Variants in RNF38 observed in about 807,000 individuals in gnomAD.
The protein encoded by RNF38 is ring finger protein 38, also known as E3 ubiquitin-protein ligase RNF38.
A neutral mutation model predicts 67.2 loss-of-function variants in RNF38; 15 were observed. That is an observed-to-expected ratio of 0.22 (90% CI 0.15 to 0.34). RNF38 has a LOEUF of 0.34. Among genes scored for constraint, RNF38 ranks in the 10% least tolerant of loss-of-function variants. RNF38 has a pLI of 1.00. For synonymous variants in RNF38, 220 were observed against 218.8 expected, an observed-to-expected ratio of 1.01 and a Z score of -0.05; for missense variants, 524 against 639.9, an observed-to-expected ratio of 0.82 and a Z score of 1.95.
Position 36,415,889 on chromosome 9 carries a change from T to A in RNF38, n.312+8724A>T, listed in dbSNP as rs569755373. 7.2e-5 allele frequency among the ~76,000 whole-genome samples: 11 copies of A among 152,218 alleles called. No individual in the cohort carries two copies. In the South Asian group the frequency reaches 2.1e-3, roughly 29 times the overall value. ...TTGCTATTATTTTCTCCTTTCTTGG[T>A]GCAGAGTTGTTCTTTTATGAGTTGC... On this transcript the variant is annotated intron_variant and non_coding_transcript_variant, in intron 2 of 3. Coordinates refer to the RNF38 transcript ENST00000488058.
At chr9:36,422,030 G>A (rs760234034) in intron 2 of RNF38, among the ~76,000 whole-genome samples, 2 of 152,038 alleles carry the variant, frequency 1.3e-5, no homozygotes, top group Admixed American at 6.6e-5. Flanking sequence ...CCAGGAGTTC[G>A]AGACTAGCCT....
At chr9:36,371,981 A>T (rs937011632) in intron 3 of RNF38, among the ~76,000 whole-genome samples, 1 of 146,632 alleles carries the variant, frequency 6.8e-6, no homozygotes, top group Non-Finnish European at 1.5e-5. Context: ...GCCAGGCTGG[A>T]GTGCAGTGGC....
chr9:36,461,355 T>C (rs1369291229), intron 1 of RNF38, among the ~76,000 whole-genome samples: 1 of 152,180 alleles, frequency 6.6e-6, no homozygotes, highest in Non-Finnish European at 1.5e-5. Context: ...AAACCTTCTT[T>C]AGACTGAGTA....
At chr9:36,487,616 TG>T, upstream of RNF38, 1 of 971,968 alleles carries the variant, frequency 1.0e-6, no homozygotes, top group South Asian at 4.6e-5. Flanking sequence ...CGGCAGGCGC[TG>T]GCTGGGCCCC....
chr9:36,449,474 C>T (rs1042544353), intron 1 of RNF38, among the ~76,000 whole-genome samples: 1 of 151,832 alleles, frequency 6.6e-6, no homozygotes, highest in Non-Finnish European at 1.5e-5. Context: ...ATCACTCTGT[C>T]GCCCAGGCTG....
intron 9 of RNF38, among the ~76,000 whole-genome samples, chr9:36,350,046 G>A (rs1833583526): frequency 6.6e-6 from 1 of 152,106 alleles, no homozygotes; most frequent in Non-Finnish European, 1.5e-5. Context: ...TCGAACTCCT[G>A]ACCTCAGGTG....
intron 1 of RNF38, among the ~76,000 whole-genome samples, chr9:36,445,123 T>C (rs904526056): frequency 4.6e-5 from 7 of 152,148 alleles, no homozygotes; most frequent in Non-Finnish European, 8.8e-5. Context: ...GATGGGACAG[T>C]CTGTTGTGAC....
At chr9:36,433,385 C>T (rs1213698208) in intron 1 of RNF38, among the ~76,000 whole-genome samples, 1 of 151,124 alleles carries the variant, frequency 6.6e-6, no homozygotes. Flanking sequence ...ATCTCATGTA[C>T]CCCCATAAAT....
intron 2 of RNF38, among the ~76,000 whole-genome samples, chr9:36,413,597 G>A (rs993785698): frequency 6.6e-6 from 1 of 152,150 alleles, no homozygotes; most frequent in African/African-American, 2.4e-5. Context: ...GAGAAGCATG[G>A]GATATGTTTC....
At chr9:36,364,102 T>G (rs1178301528) in intron 4 of RNF38, among the ~76,000 whole-genome samples, 4 of 149,192 alleles carry the variant, frequency 2.7e-5, no homozygotes, top group African/African-American at 9.8e-5. Flanking sequence ...AGTGCTAGGA[T>G]TACAGGCATG....
At chr9:36,464,243 G>A (rs1175155283) in intron 1 of RNF38, among the ~76,000 whole-genome samples, 1 of 151,636 alleles carries the variant, frequency 6.6e-6, no homozygotes, top group Non-Finnish European at 1.5e-5. Context: ...TCTGCATTAT[G>A]TAGATGAAAT....
At chr9:36,399,312 G>A (rs1159167008) in intron 1 of RNF38, among the ~76,000 whole-genome samples, 1 of 151,916 alleles carries the variant, frequency 6.6e-6, no homozygotes, top group Admixed American at 6.6e-5. Context: ...TTACAGATGA[G>A]AGCCTGAGGC....
intron 2 of RNF38, among the ~76,000 whole-genome samples, chr9:36,385,137 C>T (rs55670971): frequency 1.5e-4 from 23 of 149,818 alleles, no homozygotes; most frequent in Non-Finnish European, 2.7e-4. Flanking sequence ...ATGAGCTAAC[C>T]GAAAATTTAA....
At position 36,433,550 on chromosome 9, in the gene RNF38, C is replaced by T. The variant is rs1377467310; in HGVS notation, n.242-8867G>A. Among the ~76,000 whole-genome samples the T allele has an allele frequency of 3.3e-5, 5 of 151,838 alleles. No homozygotes were observed. The South Asian group carries it at 6.2e-4, about 19-fold the overall frequency. On this transcript the variant is annotated intron_variant and non_coding_transcript_variant, in intron 1 of 3. Transcript: ENST00000488058. ...AGGTCAGGAGTTCGAGATCAGGCAT[C>T]GTGGTGGACACCTGTAATCCTAGCT...
At position 36,382,392 on chromosome 9, in the gene RNF38, T is replaced by C. The variant is rs117447199; in HGVS notation, c.163-6265A>G. ...AAATGAGTCTAGGAGTACACCTCTATTAACACCAAACCATTTTTATTACCA... is the reference window on the plus strand; with the variant it reads ...AAATGAGTCTAGGAGTACACCTCTACTAACACCAAACCATTTTTATTACCA... On this transcript the variant is annotated intron_variant, in intron 2 of 11. Coordinates refer to ENST00000259605, the MANE Select transcript of RNF38 (RefSeq NM_022781.5). Among the ~76,000 whole-genome samples the C allele has an allele frequency of 1.7e-3, 266 of 152,306 alleles. 3 individuals are homozygous for C. In the East Asian group the frequency reaches 0.039, roughly 23 times the overall value.
intron 3 of RNF38, among the ~76,000 whole-genome samples, chr9:36,370,576 C>G (rs190776153): frequency 2.2e-3 from 335 of 152,216 alleles, no homozygotes; most frequent in African/African-American, 7.8e-3. Context: ...TGGGTGCACA[C>G]AAGGTATATA....
chr9:36,400,877 G>T (rs1183643850), upstream of RNF38: 1 of 984,326 alleles, frequency 1.0e-6, no homozygotes, highest in African/African-American at 1.8e-5. Context: ...ACCGCACTAG[G>T]GGCCCGGCCC....
intron 2 of RNF38, among the ~76,000 whole-genome samples, chr9:36,380,660 T>C (rs1023025526): frequency 6.6e-6 from 1 of 151,920 alleles, no homozygotes; most frequent in Non-Finnish European, 1.5e-5. Context: ...GACCAGCTAA[T>C]TAAAAAAAAA....
intron 1 of RNF38, among the ~76,000 whole-genome samples, chr9:36,451,489 T>G: frequency 8.2e-6 from 1 of 122,020 alleles, no homozygotes; most frequent in Non-Finnish European, 1.7e-5. Flanking sequence ...AAAATTGTAG[T>G]AGTTTTTTTT....
Sources: allele counts gnomAD v4.1 joint callset (sites outside exome capture counted in the v4.1 genomes callset), GRCh38; gene constraint gnomAD v4.1.1; transcripts MANE v1.5; gene names NCBI Gene and HGNC (gene_info 2026-07-23, HGNC 2026-07-21).